Variants in PCCA observed in about 807,000 individuals in gnomAD.
PCCA encodes propionyl-CoA carboxylase alpha chain, mitochondrial.
A neutral mutation model predicts 101.3 loss-of-function variants in PCCA; 74 were observed. That is an observed-to-expected ratio of 0.73 (90% CI 0.61 to 0.89). The LOEUF is 0.89. Among genes scored for constraint, PCCA ranks in the 40% least tolerant of loss-of-function variants. PCCA has a pLI of 0.00. For synonymous variants in PCCA, 294 were observed against 313.6 expected (o/e 0.94, Z 0.66); for missense variants, 891 against 907.0 (o/e 0.98, Z 0.23).
chr13:100,266,552 CTCTAT>C (rs1353116429), intron 10 of PCCA, among the ~76,000 whole-genome samples: 3 of 152,276 alleles, frequency 2.0e-5, no homozygotes, highest in South Asian at 4.1e-4. Flanking sequence ...ATCCCTTTTA[CTCTAT>C]TCTAAGTCCT....
intron 4 of PCCA, among the ~76,000 whole-genome samples, chr13:100,150,152 C>T (rs931422326): frequency 2.0e-5 from 3 of 151,596 alleles, no homozygotes; most frequent in Admixed American, 6.6e-5. Context: ...CTCAGCCTCC[C>T]GAGTAGCTGG....
chr13:100,365,912 C>T (rs1477384915), intron 18 of PCCA, among the ~76,000 whole-genome samples: 1 of 152,206 alleles, frequency 6.6e-6, no homozygotes, highest in Admixed American at 6.5e-5. Flanking sequence ...GAGTTCAAAA[C>T]CACTGTCTTG....
chr13:100,498,061 C>G (rs1454957585), intron 21 of PCCA, among the ~76,000 whole-genome samples: 1 of 151,736 alleles, frequency 6.6e-6, no homozygotes, highest in Non-Finnish European at 1.5e-5. Context: ...GAGACAAGGT[C>G]TTGCTATATT....
At chr13:100,315,588 C>T (rs753819478) in intron 16 of PCCA, among the ~76,000 whole-genome samples, 3 of 152,118 alleles carry the variant, frequency 2.0e-5, no homozygotes, top group African/African-American at 2.4e-5. Context: ...AAATGTAATT[C>T]GGTTAAAATG....
At chr13:100,130,964 A>G (rs989704883) in intron 4 of PCCA, among the ~76,000 whole-genome samples, 9 of 152,170 alleles carry the variant, frequency 5.9e-5, no homozygotes, top group African/African-American at 1.4e-4. Context: ...TTTATTTTCA[A>G]TTGTGGTAAA....
In PCCA at chr13:100,527,812, T is replaced by C. The variant is rs977673778; in HGVS notation, c.2118+60T>C. 17 of 1,240,386 alleles carry C rather than the reference T, an allele frequency of 1.4e-5. No individual in the cohort carries two copies. In the African/African-American group the frequency reaches 2.5e-4, roughly 18 times the overall value. The allele number at this position is 1,240,386 out of a possible 1,614,324, so 76.8% of individuals were successfully genotyped here. A position where few individuals can be genotyped will look rare whatever the true frequency, so the allele number is the denominator to read the frequency against. ...CCTGTGATGGAGGAACGCCCACCTTTGAATCGTGGGTGGTTTGGCTGGAAA... is the reference window on the plus strand; with the variant it reads ...CCTGTGATGGAGGAACGCCCACCTTCGAATCGTGGGTGGTTTGGCTGGAAA... On this transcript the variant is annotated intron_variant, in intron 23 of 23. Coordinates refer to ENST00000376285, the MANE Select transcript of PCCA (RefSeq NM_000282.4).
intron 21 of PCCA, among the ~76,000 whole-genome samples, chr13:100,507,554 T>C (rs1462929496): frequency 6.6e-6 from 1 of 152,202 alleles, no homozygotes; most frequent in Non-Finnish European, 1.5e-5. Flanking sequence ...GCCTCTCTTA[T>C]GATACAAGTG....
chr13:100,428,255 A>T (rs1056991806), intron 20 of PCCA, among the ~76,000 whole-genome samples: 2 of 151,620 alleles, frequency 1.3e-5, no homozygotes, highest in African/African-American at 4.8e-5. Context: ...TTTTGTAGAG[A>T]TGAGGCCTCA....
Position 100,314,898 on chromosome 13 carries a change from T to C in PCCA, c.1429+4990T>C, listed in dbSNP as rs184998058. ...GTAGTAAGGGTCATAAGTGGGACAA[T>C]TGGTGAGATTTGAATAAGGTCTGGA... On this transcript the variant is annotated intron_variant, in intron 16 of 23. Coordinates refer to ENST00000376285, the MANE Select transcript of PCCA (RefSeq NM_000282.4). 1.7e-4 allele frequency among the ~76,000 whole-genome samples: 26 copies of C among 152,206 alleles called. No homozygotes were observed. The East Asian group carries it at 4.1e-3, about 24-fold the overall frequency.
chr13:100,132,010 T>G (rs190770322), intron 4 of PCCA, among the ~76,000 whole-genome samples: 1 of 152,108 alleles, frequency 6.6e-6, no homozygotes, highest in African/African-American at 2.4e-5. Flanking sequence ...GTGACAAGAG[T>G]TAGGTGAAGC....
Position 100,133,592 on chromosome 13 carries a change from T to G in PCCA, c.301-21387T>G, listed in dbSNP as rs141759260. Among the ~76,000 whole-genome samples the G allele has an allele frequency of 4.8e-3, 726 of 152,328 alleles. 11 individuals carry two copies. Among genetic ancestry groups the G allele is most frequent in the African/African-American group, 0.017 (701 of 41,572 alleles). On this transcript the variant is annotated intron_variant, in intron 4 of 23. Transcript: ENST00000376285. ...GCAGTCGGTTTTTTTGTTTTTTGTT[T>G]TTTTGCATATAGATGTTGAATTATT...
At chr13:100,217,802 G>T (rs910061162) in intron 7 of PCCA, among the ~76,000 whole-genome samples, 1 of 146,632 alleles carries the variant, frequency 6.8e-6, no homozygotes, top group South Asian at 2.2e-4. Context: ...TTTTTTGTGT[G>T]TGTGTGGCTG....
intron 21 of PCCA, among the ~76,000 whole-genome samples, chr13:100,496,100 G>A (rs1445592806): frequency 6.6e-6 from 1 of 152,146 alleles, no homozygotes; most frequent in Non-Finnish European, 1.5e-5. Context: ...ATTCCCTTAT[G>A]GAACTGCAAT....
chr13:100,278,337 T>C (rs936986146), intron 12 of PCCA, among the ~76,000 whole-genome samples: 2 of 152,184 alleles, frequency 1.3e-5, no homozygotes, highest in African/African-American at 2.4e-5. Context: ...GAGGTACTTA[T>C]CAGTATTTAT....
intron 1 of PCCA, among the ~76,000 whole-genome samples, chr13:100,093,492 C>G (rs1340749693): frequency 6.6e-6 from 1 of 152,154 alleles, no homozygotes; most frequent in Non-Finnish European, 1.5e-5. Context: ...AGAGATCTAG[C>G]TCTTTACTCA....
At chr13:100,179,449 G>GGGCATTTGCCCT (rs1323611478) in intron 6 of PCCA, among the ~76,000 whole-genome samples, 6 of 152,124 alleles carry the variant, frequency 3.9e-5, no homozygotes, top group Non-Finnish European at 7.3e-5. Context: ...CTTCAATGCT[G>GGGCATTTGCCCT]TCGTGATCTT....
At chr13:100,226,370 T>C (rs898432177) in intron 7 of PCCA, among the ~76,000 whole-genome samples, 2 of 152,164 alleles carry the variant, frequency 1.3e-5, no homozygotes, top group African/African-American at 4.8e-5. Context: ...TTCATATGAA[T>C]GGGTAGCAGG....
At chr13:100,352,232 T>C (rs1230771892) in intron 18 of PCCA, among the ~76,000 whole-genome samples, 1 of 152,066 alleles carries the variant, frequency 6.6e-6, no homozygotes, top group Non-Finnish European at 1.5e-5. Context: ...ACAGAATAGA[T>C]TTAAAAATAT....
chr13:100,092,417 C>G (rs1433044902), intron 1 of PCCA, among the ~76,000 whole-genome samples: 1 of 150,244 alleles, frequency 6.7e-6, no homozygotes, highest in African/African-American at 2.5e-5. Context: ...GGGTCTGGCT[C>G]TGTTGGCCAG....
Sources: allele counts gnomAD v4.1 joint callset (sites outside exome capture counted in the v4.1 genomes callset), GRCh38; gene constraint gnomAD v4.1.1; transcripts MANE v1.5; gene names NCBI Gene and HGNC (gene_info 2026-07-23, HGNC 2026-07-21).